Variants in WSB2 observed in about 807,000 individuals in gnomAD.
The protein encoded by WSB2 is WD repeat and SOCS box containing 2, also known as WD repeat and SOCS box-containing protein 2.
WSB2 carries 12 observed loss-of-function variants against 48.8 expected under a neutral mutation model. That is an observed-to-expected ratio of 0.25 (90% CI 0.16 to 0.40). The LOEUF is 0.40. WSB2 is among the 10% of genes least tolerant of loss of function. The probability of loss-of-function intolerance (pLI) is 1.00; values close to 1 mark genes in which losing one functional copy is unlikely to be tolerated. For synonymous variants in WSB2, 191 were observed against 203.1 expected (o/e 0.94, Z 0.51); for missense variants, 317 against 506.2 (o/e 0.63, Z 3.59).
chr12:118,054,863 T>C (rs561227656), intron 1 of WSB2, among the ~76,000 whole-genome samples: 2 of 151,282 alleles, frequency 1.3e-5, no homozygotes, highest in African/African-American at 4.8e-5. Flanking sequence ...TCAGAGGTTC[T>C]ATGTGTAAAT....
intron 1 of WSB2, among the ~76,000 whole-genome samples, chr12:118,056,577 A>G (rs1465374167): frequency 6.6e-6 from 1 of 152,194 alleles, no homozygotes; most frequent in Non-Finnish European, 1.5e-5. Flanking sequence ...TCTAATAAAT[A>G]CATATGGTAT....
chr12:118,057,524 C>G (rs2031978902), intron 1 of WSB2, among the ~76,000 whole-genome samples: 1 of 152,152 alleles, frequency 6.6e-6, no homozygotes, highest in Non-Finnish European at 1.5e-5. Context: ...ATCTGCCCAC[C>G]TCGGCCTCCC....
In WSB2 at chr12:118,061,092, C is replaced by T. The variant is rs1198197295; in HGVS notation, c.-44G>A. 10 of 980,594 alleles carry T rather than the reference C, an allele frequency of 1.0e-5. No homozygotes were observed. Among genetic ancestry groups the T allele is most frequent in the Non-Finnish European group, 1.2e-5 (10 of 827,964 alleles). 60.7% of individuals were successfully genotyped at this position (980,594 alleles called of 1,614,324 possible). Reference sequence around the variant, plus strand: ...CCGCGGCAGGCGGCGGGCGCCTCAGCCCCCCGGGCCGCGGGCCCTCATGCC... The same window carrying T: ...CCGCGGCAGGCGGCGGGCGCCTCAGTCCCCCGGGCCGCGGGCCCTCATGCC... On this transcript the variant is annotated 5_prime_UTR_variant, in exon 1 of 9. Transcript: ENST00000315436.
chr12:118,035,243 G>A lies in WSB2; in HGVS notation c.915C>T (p.Gly305=), dbSNP rs2031481988. 6.2e-7 allele frequency: 1 copy of A among 1,614,100 alleles called. No individual in the cohort carries two copies. Among genetic ancestry groups the A allele is most frequent in the Non-Finnish European group, 8.5e-7 (1 of 1,180,046 alleles). Residue 305 remains glycine (G), a synonymous_variant, in exon 7 of 9, where the codon GGC becomes GGT. Transcript: ENST00000315436. Reference sequence around the variant, plus strand: ...CATCTGCCACCGTGGCAAGGTACAAGCCTTCTGGAGAGAAGCACACAGATC... The same window carrying A: ...CATCTGCCACCGTGGCAAGGTACAAACCTTCTGGAGAGAAGCACACAGATC... ...SLRSVCFSPE[G]LYLATVADDR...
rs188457734 is a variant in WSB2 at position 118,041,004 on chromosome 12, G to A, written c.559+1837C>T. 2.5e-3 allele frequency among the ~76,000 whole-genome samples: 378 copies of A among 152,328 alleles called. 6 individuals are homozygous for A. The highest frequency in any genetic ancestry group is 8.2e-3 in the African/African-American group (343 of 41,588). On this transcript the variant is annotated intron_variant, in intron 4 of 8. Transcript: ENST00000315436. ...GCGGAGGTTGCAGTGAGCTGAGATC[G>A]TGCCACTGCACTCCAGCCTGGGTGA...
Position 118,034,376 on chromosome 12 carries a change from C to T in WSB2, c.1053-18G>A, listed in dbSNP as rs749375520. 2 of 1,612,356 alleles carry T rather than the reference C, an allele frequency of 1.2e-6. No individual in the cohort carries two copies. The highest frequency in any genetic ancestry group is 1.3e-5 in the African/African-American group (1 of 74,848). On this transcript the variant is annotated intron_variant, in intron 8 of 8. Coordinates refer to ENST00000315436, the MANE Select transcript of WSB2 (RefSeq NM_018639.5). Reference sequence around the variant, plus strand: ...CTCTTGTCCTAAAATGAAACAGAAACCGATGCTAAGACAGAGCTTGGATGT... The same window carrying T: ...CTCTTGTCCTAAAATGAAACAGAAATCGATGCTAAGACAGAGCTTGGATGT...
chr12:118,035,372 T>G (rs763901403), intron 6 of WSB2, 48 bp from the exon 7 acceptor site: 28 of 1,545,794 alleles, frequency 1.8e-5, no homozygotes, highest in Non-Finnish European at 2.5e-5. Context: ...ATGGCTGCTC[T>G]CCACCCTCCA....
chr12:118,050,057 A>G (rs941905955), intron 2 of WSB2, among the ~76,000 whole-genome samples: 4 of 152,154 alleles, frequency 2.6e-5, no homozygotes, highest in Admixed American at 2.6e-4. Context: ...AAAATTAGCT[A>G]GGGGTGGTGG....
At chr12:118,039,638 A>G (rs1172207999) in intron 4 of WSB2, among the ~76,000 whole-genome samples, 3 of 152,218 alleles carry the variant, frequency 2.0e-5, no homozygotes, top group African/African-American at 7.2e-5. Flanking sequence ...GAGCCAAGCA[A>G]GAAAGAAGAA....
Position 118,033,946 on chromosome 12 carries a change from T to A in WSB2, c.*250A>T. 2.0e-6 allele frequency: 1 copy of A among 499,798 alleles called. No individual in the cohort carries two copies. 31.0% of individuals were successfully genotyped at this position (499,798 alleles called of 1,614,324 possible). A position where few individuals can be genotyped will look rare whatever the true frequency, so the allele number is the denominator to read the frequency against. ...GAGTTCAACACTTGCTGTTCATAAC[T>A]GGACTGAAAATTTAACGTAAGGCTC... On this transcript the variant is annotated 3_prime_UTR_variant, in exon 9 of 9. Coordinates refer to ENST00000315436, the MANE Select transcript of WSB2 (RefSeq NM_018639.5).
In WSB2 at chr12:118,038,294, C is replaced by T. The variant is rs1334815214; in HGVS notation, c.654G>A (p.Glu218=). Residue 218 remains glutamate (E), a synonymous_variant, in exon 5 of 9, where the codon GAG becomes GAA. Coordinates refer to ENST00000315436, the MANE Select transcript of WSB2 (RefSeq NM_018639.5). Reference sequence around the variant, plus strand: ...AATAACGCTGGAGACTCACCGACTTCTCTCCAGCTGCAGAGCACAGCATGC... The same window carrying T: ...AATAACGCTGGAGACTCACCGACTTTTCTCCAGCTGCAGAGCACAGCATGC... ...DCSMLCSAAG[E]KSVFLWSMRS... is the part of the protein sequence containing the mutation. 1.2e-6 allele frequency: 2 copies of T among 1,613,068 alleles called. No homozygotes were observed. The highest frequency in any genetic ancestry group is 1.3e-5 in the African/African-American group (1 of 74,866).
chr12:118,038,171 A>C (rs1566136457), intron 5 of WSB2, 117 bp downstream of exon 5: 38 of 856,136 alleles, frequency 4.4e-5, no homozygotes, highest in Non-Finnish European at 5.9e-5. Context: ...ATGGCCCACC[A>C]GCATGCCTTC....
At chr12:118,054,886 T>C (rs1054399863) in intron 1 of WSB2, among the ~76,000 whole-genome samples, 2 of 150,994 alleles carry the variant, frequency 1.3e-5, no homozygotes, top group Non-Finnish European at 2.9e-5. Context: ...GGGTTTAATG[T>C]ATTAGGTCTA....
chr12:118,051,613 G>A (rs1163917357), intron 2 of WSB2, among the ~76,000 whole-genome samples: 2 of 152,184 alleles, frequency 1.3e-5, no homozygotes, highest in Non-Finnish European at 1.5e-5. Context: ...AGTGCAGGGG[G>A]GTTGGGGGAT....
At chr12:118,052,920 C>T (rs2031882652) in intron 1 of WSB2, among the ~76,000 whole-genome samples, 1 of 152,148 alleles carries the variant, frequency 6.6e-6, no homozygotes, top group African/African-American at 2.4e-5. Context: ...TCTCACTCGC[C>T]TGCATCCTCC....
upstream of WSB2, chr12:118,062,090 C>A: frequency 1.3e-6 from 2 of 1,535,112 alleles, no homozygotes; most frequent in South Asian, 2.4e-5. Flanking sequence ...AGACTGTCCC[C>A]TTACCTACCT....
At position 118,060,285 on chromosome 12, in the gene WSB2, T is replaced by C. The variant is rs989888713; in HGVS notation, c.13+751A>G. ...CTGGCTTGAGGTATATCCAATATCC[T>C]CTGACTTCCACGCTGTCTTCTGATG... On this transcript the variant is annotated intron_variant, in intron 1 of 8. Coordinates refer to ENST00000315436, the MANE Select transcript of WSB2 (RefSeq NM_018639.5). The surrounding 1 kb of genome is among the most constrained non-coding windows in gnomAD (Gnocchi z 4.1). 1.3e-5 allele frequency among the ~76,000 whole-genome samples: 2 copies of C among 152,262 alleles called. No homozygotes were observed. Among genetic ancestry groups the C allele is most frequent in the Non-Finnish European group, 2.9e-5 (2 of 68,026 alleles).
rs116971725 is a variant in WSB2, at chr12:118,043,642, T to C, written c.183-265A>G. 6.0e-4 allele frequency among the ~76,000 whole-genome samples: 91 copies of C among 152,186 alleles called. No homozygotes were observed. In the East Asian group the frequency reaches 0.016, roughly 27 times the overall value. On this transcript the variant is annotated intron_variant, in intron 2 of 8. Coordinates refer to ENST00000315436, the MANE Select transcript of WSB2 (RefSeq NM_018639.5). ...TTTGTATTTTTTGTAGGACGGAGTT[T>C]TGTCATGTTGCCCAGGCTGGTCTCA...
chr12:118,058,417 G>A (rs934749692), intron 1 of WSB2, among the ~76,000 whole-genome samples: 1 of 151,788 alleles, frequency 6.6e-6, no homozygotes, highest in Non-Finnish European at 1.5e-5. Context: ...GCACCATCAC[G>A]GCTCACTGCA....
Sources: gnomAD v4.1 joint callset for allele counts (sites outside exome capture counted in the v4.1 genomes callset) on GRCh38, gnomAD v4.1.1 for gene constraint, Gnocchi (gnomAD v3.1) non-coding constraint, MANE v1.5 for transcripts, NCBI Gene and HGNC (gene_info 2026-07-23, HGNC 2026-07-21) for gene names.